Variants in GRIN2A observed in about 807,000 individuals in gnomAD.
GRIN2A encodes glutamate receptor ionotropic, NMDA 2A.
Under a neutral mutation model 113.4 loss-of-function variants are expected in GRIN2A, and 22 were observed. That is an observed-to-expected ratio of 0.19 (90% confidence interval 0.14 to 0.28). The LOEUF (loss-of-function observed/expected upper bound fraction) is 0.28, where lower values mean the gene tolerates loss of function less well. Ranked by LOEUF, GRIN2A falls within the 10% of genes least tolerant of loss-of-function variation. GRIN2A has a pLI of 1.00. For synonymous variants in GRIN2A, 827 were observed against 738.4 expected (o/e 1.12, Z -1.94); for missense variants, 1,502 against 1,887.0 (o/e 0.80, Z 3.78).
At position 9,763,447 on chromosome 16, in the gene GRIN2A, G is replaced by C. The variant is rs2141126667; in HGVS notation, c.4097C>G (p.Pro1366Arg). Reference protein sequence around the residue: ...SLLPDHTSDNPFLHSHRDDQR... With the variant: ...SLLPDHTSDNRFLHSHRDDQR... ...GTCATCCCTGTGGGAGTGGAGGAAA[G>C]GGTTATCGGAGGTGTGGTCTGGCAA... Residue 1366 changes from proline (P) to arginine (R), a missense_variant, in exon 13 of 13, where the codon CCT (proline) becomes CGT (arginine). Pro to Arg is a moderately radical substitution (Grantham distance 103, BLOSUM62 -2). Around this residue, in one of 7 missense-constraint regions of GRIN2A, gnomAD observed 832 missense variants for 789.7 expected, o/e 1.05. Coordinates refer to ENST00000330684, the MANE Select transcript of GRIN2A (RefSeq NM_001134407.3). 1 of 1,614,020 alleles carries C rather than the reference G, an allele frequency of 6.2e-7. No individual in the cohort carries two copies.
rs555966898 is a variant in GRIN2A at position 10,143,014 on chromosome 16, T to C, written c.414+36984A>G. 3.9e-5 allele frequency among the ~76,000 whole-genome samples: 6 copies of C among 152,366 alleles called. No homozygotes were observed. In the East Asian group the frequency reaches 1.2e-3, roughly 29 times the overall value. ...AACTCATTATAGGAATTTGGTATACTTAGGATAGATTACCTTAATTCTATT... is the reference window on the plus strand; with the variant it reads ...AACTCATTATAGGAATTTGGTATACCTAGGATAGATTACCTTAATTCTATT... On this transcript the variant is annotated intron_variant, in intron 2 of 12. Coordinates refer to ENST00000330684, the MANE Select transcript of GRIN2A (RefSeq NM_001134407.3).
intron 2 of GRIN2A, among the ~76,000 whole-genome samples, chr16:9,942,165 C>T (rs996413376): frequency 6.6e-6 from 1 of 152,164 alleles, no homozygotes; most frequent in African/African-American, 2.4e-5. Flanking sequence ...ACAACTCACC[C>T]TGTTCAGAGC....
At chr16:10,062,470 A>G (rs2047566017) in intron 2 of GRIN2A, among the ~76,000 whole-genome samples, 2 of 152,222 alleles carry the variant, frequency 1.3e-5, no homozygotes, top group Non-Finnish European at 2.9e-5. Flanking sequence ...CTTTGCCTCC[A>G]GACCTAATGA....
intron 2 of GRIN2A, among the ~76,000 whole-genome samples, chr16:10,008,181 T>G (rs2046438615): frequency 6.6e-6 from 1 of 152,098 alleles, no homozygotes; most frequent in Non-Finnish European, 1.5e-5. Context: ...CTCCTGCTTC[T>G]AAGAGAGGTC....
chr16:10,145,244 T>A (rs1334355224), intron 2 of GRIN2A, among the ~76,000 whole-genome samples: 2 of 152,194 alleles, frequency 1.3e-5, no homozygotes. Context: ...GTTCTGGAGA[T>A]CTGCTGGACA....
At chr16:10,022,081 A>G (rs1046781608) in intron 2 of GRIN2A, among the ~76,000 whole-genome samples, 1 of 151,708 alleles carries the variant, frequency 6.6e-6, no homozygotes, top group Non-Finnish European at 1.5e-5. Context: ...CCCTCTGTCT[A>G]GAATGTCTTT....
intron 2 of GRIN2A, among the ~76,000 whole-genome samples, chr16:9,972,866 G>A (rs1318374002): frequency 6.6e-6 from 1 of 152,338 alleles, no homozygotes; most frequent in South Asian, 2.1e-4. Context: ...AGCTGTGCAG[G>A]AGACCAGAGT....
At chr16:9,807,559 G>C (rs916539801) in intron 10 of GRIN2A, among the ~76,000 whole-genome samples, 40 of 152,152 alleles carry the variant, frequency 2.6e-4, no homozygotes, top group African/African-American at 9.4e-4. Context: ...CCATCTAGCT[G>C]TAAGTACTTT....
At chr16:10,038,348 A>G (rs897753183) in intron 2 of GRIN2A, among the ~76,000 whole-genome samples, 1 of 152,142 alleles carries the variant, frequency 6.6e-6, no homozygotes, top group Non-Finnish European at 1.5e-5. Flanking sequence ...GGACGCTAAC[A>G]TTCAAACCAC....
At chr16:10,116,924 C>A (rs1389780675) in intron 2 of GRIN2A, among the ~76,000 whole-genome samples, 1 of 152,066 alleles carries the variant, frequency 6.6e-6, no homozygotes, top group Non-Finnish European at 1.5e-5. Context: ...CAGAGAGATG[C>A]CTGTGCTTGA....
At chr16:9,826,056 C>T (rs2042382662) in intron 9 of GRIN2A, among the ~76,000 whole-genome samples, 1 of 152,002 alleles carries the variant, frequency 6.6e-6, no homozygotes, top group Non-Finnish European at 1.5e-5. Flanking sequence ...AAGGAAATAA[C>T]ACATTACAGG....
intron 2 of GRIN2A, among the ~76,000 whole-genome samples, chr16:9,966,011 G>T (rs2141719053): frequency 6.6e-6 from 1 of 152,302 alleles, no homozygotes. Flanking sequence ...TAAATATGCA[G>T]CACCTTAAGC....
intron 2 of GRIN2A, among the ~76,000 whole-genome samples, chr16:10,026,643 G>T (rs1262352631): frequency 6.8e-6 from 1 of 146,178 alleles, no homozygotes; most frequent in Non-Finnish European, 1.5e-5. Context: ...CAAGCTGGGG[G>T]GCACTGCAGA....
At chr16:9,959,254 C>G (rs989706120) in intron 2 of GRIN2A, among the ~76,000 whole-genome samples, 1 of 152,202 alleles carries the variant, frequency 6.6e-6, no homozygotes, top group African/African-American at 2.4e-5. Flanking sequence ...AAAACATCTC[C>G]AATCTCCTAA....
intron 4 of GRIN2A, among the ~76,000 whole-genome samples, chr16:9,878,439 G>C (rs1337912444): frequency 1.3e-5 from 2 of 152,144 alleles, no homozygotes; most frequent in African/African-American, 4.8e-5. Flanking sequence ...CAACCTAGGA[G>C]GTCAGTACTA....
rs1356254277 is a variant in GRIN2A, at chr16:9,840,916, G to A, written c.1497+20C>T. On this transcript the variant is annotated intron_variant, in intron 6 of 12. Coordinates refer to ENST00000330684, the MANE Select transcript of GRIN2A (RefSeq NM_001134407.3). Reference sequence around the variant, plus strand: ...GCCCTTTGTCTGAGTAAGAGCCTAGGGGATGAAAAGATAACTTACTTCACC... The same window carrying A: ...GCCCTTTGTCTGAGTAAGAGCCTAGAGGATGAAAAGATAACTTACTTCACC... 3.1e-6 allele frequency: 5 copies of A among 1,612,768 alleles called. No homozygotes were observed. Among genetic ancestry groups the A allele is most frequent in the Admixed American group, 1.7e-5 (1 of 59,954 alleles).
chr16:10,013,798 A>T (rs551634578), intron 2 of GRIN2A, among the ~76,000 whole-genome samples: 7 of 152,318 alleles, frequency 4.6e-5, no homozygotes, highest in African/African-American at 1.7e-4. Flanking sequence ...TTCTTTGGTG[A>T]AGAGAAAAAT....
At chr16:10,126,832 T>A (rs2048949260) in intron 2 of GRIN2A, among the ~76,000 whole-genome samples, 1 of 152,190 alleles carries the variant, frequency 6.6e-6, no homozygotes, top group South Asian at 2.1e-4. Flanking sequence ...GTCCAAGATG[T>A]CTCAGAAATC....
At chr16:10,103,459 C>T (rs183174364) in intron 2 of GRIN2A, among the ~76,000 whole-genome samples, 1 of 152,342 alleles carries the variant, frequency 6.6e-6, no homozygotes, top group African/African-American at 2.4e-5. Flanking sequence ...ATCTCAGCCA[C>T]ATATAACTCT....
Sources: allele counts gnomAD v4.1 joint callset (sites outside exome capture counted in the v4.1 genomes callset), GRCh38; gene constraint gnomAD v4.1.1; regional missense constraint gnomAD v4.1.1; transcripts MANE v1.5; gene names NCBI Gene and HGNC (gene_info 2026-07-23, HGNC 2026-07-21).